The following LAMA2 variants were observed in gnomAD, a reference collection of about 807,000 sequenced individuals.
LAMA2 encodes laminin subunit alpha 2, also known as laminin subunit alpha-2.
Under a neutral mutation model 364.8 loss-of-function variants are expected in LAMA2, and 269 were observed. The observed-to-expected ratio is 0.74, with a 90% confidence interval of 0.67 to 0.82. LAMA2 has a LOEUF of 0.82. LAMA2 is among the 40% of genes least tolerant of loss of function. The pLI, the probability that LAMA2 is intolerant of heterozygous loss-of-function variation, is 0.00. For missense variants in LAMA2, 3,807 were observed against 3,873.2 expected, an observed-to-expected ratio of 0.98 and a Z score of 0.45; for synonymous variants, 1,379 against 1,370.6, an observed-to-expected ratio of 1.01 and a Z score of -0.14.
chr6:129,514,616 C>T (rs886038297), intron 64 of LAMA2, 21 bp downstream of exon 64: 24 of 1,571,084 alleles, frequency 1.5e-5, no homozygotes, highest in Non-Finnish European at 2.0e-5. Context: ...GCTACCCCAG[C>T]AACAATTTCT....
At chr6:129,331,335 A>G (rs1775639462) in intron 29 of LAMA2, among the ~76,000 whole-genome samples, 1 of 151,812 alleles carries the variant, frequency 6.6e-6, no homozygotes, top group African/African-American at 2.4e-5. Flanking sequence ...TTCCTAGGTG[A>G]TTATTTCATA....
chr6:129,371,082 T>A (rs1217471319), intron 34 of LAMA2, among the ~76,000 whole-genome samples: 4 of 152,378 alleles, frequency 2.6e-5, no homozygotes, highest in African/African-American at 9.6e-5. Flanking sequence ...TAATTTAATA[T>A]GAAATAATTC....
At chr6:129,048,403 C>G (rs541369214) in intron 1 of LAMA2, among the ~76,000 whole-genome samples, 71 of 152,142 alleles carry the variant, frequency 4.7e-4, no homozygotes, top group Admixed American at 2.2e-3. Context: ...AGTAAAATAT[C>G]AAGCCATGAG....
At chr6:128,942,189 T>C (rs1780202705) in intron 1 of LAMA2, among the ~76,000 whole-genome samples, 1 of 152,168 alleles carries the variant, frequency 6.6e-6, no homozygotes, top group African/African-American at 2.4e-5. Flanking sequence ...ATAACTTTCG[T>C]GTTTTTTCCA....
chr6:129,053,537 A>AAGGC (rs372689042), intron 2 of LAMA2, among the ~76,000 whole-genome samples: 6 of 79,932 alleles, frequency 7.5e-5, no homozygotes, highest in Admixed American at 5.1e-4. Context: ...AAATGGAGTC[A>AAGGC]AGGCAATAAA....
chr6:129,066,046 T>C (rs1448371674), intron 3 of LAMA2, among the ~76,000 whole-genome samples: 11 of 82,788 alleles, frequency 1.3e-4, no homozygotes, highest in African/African-American at 4.2e-4. Flanking sequence ...AGGTTTTTTT[T>C]TTTTTTTTTT....
At chr6:129,131,744 T>A (rs992863445) in intron 4 of LAMA2, among the ~76,000 whole-genome samples, 1 of 152,210 alleles carries the variant, frequency 6.6e-6, no homozygotes, top group African/African-American at 2.4e-5. Context: ...TACTGTTTAC[T>A]TGTATCAAAA....
chr6:129,384,212 TG>T (rs1401190408), intron 35 of LAMA2, among the ~76,000 whole-genome samples: 2 of 152,176 alleles, frequency 1.3e-5, no homozygotes, highest in Admixed American at 1.3e-4. Context: ...GTTAATTCAT[TG>T]TGGTTTATCC....
chr6:129,465,835 A>C (rs1006198051), intron 51 of LAMA2, among the ~76,000 whole-genome samples: 1 of 151,980 alleles, frequency 6.6e-6, no homozygotes, highest in African/African-American at 2.4e-5. Flanking sequence ...GTGTTAGAGA[A>C]AGTAAAATAT....
At position 129,393,161 on chromosome 6, in the gene LAMA2, A is replaced by C. The variant is rs1281727359; in HGVS notation, c.5351A>C (p.Asp1784Ala). Residue 1784 changes from aspartate to alanine, a missense_variant, in exon 37 of 65, where the codon GAT (aspartate) becomes GCT (alanine). Around this residue, in one of 3 missense-constraint regions of LAMA2, gnomAD observed 3,333 missense variants for 3,345.7 expected, o/e 1.00. Coordinates refer to ENST00000421865, the MANE Select transcript of LAMA2 (RefSeq NM_000426.4). ...CTGGCTGACTACAAAAACAAAGTTGATGATGCTTGGGACCTTTTGAGAGAA... is the reference window on the plus strand; with the variant it reads ...CTGGCTGACTACAAAAACAAAGTTGCTGATGCTTGGGACCTTTTGAGAGAA... ...EKLADYKNKV[D>A]DAWDLLREAT... 6.2e-7 allele frequency: 1 copy of C among 1,613,968 alleles called. No individual in the cohort carries two copies. Among genetic ancestry groups the C allele is most frequent in the Non-Finnish European group, 8.5e-7 (1 of 1,179,952 alleles).
chr6:129,267,232 T>TCA lies in LAMA2; in HGVS notation c.2322+13_2322+14insCA. 6.6e-7 allele frequency: 1 copy of TCA among 1,526,688 alleles called. No individual in the cohort carries two copies. The highest frequency in any genetic ancestry group is 9.1e-7 in the Non-Finnish European group (1 of 1,100,262). The allele number at this position is 1,526,688 out of a possible 1,614,324, so 94.6% of individuals were successfully genotyped here. The stretch of plus-strand genomic sequence containing the variant: ...TGGAGAATGCCTGGTAAGTGCTCTC[T>TCA]TCTTTGGGGATGCTGATTGACAAGG... On this transcript the variant is annotated intron_variant, in intron 16 of 64. Coordinates refer to ENST00000421865, the MANE Select transcript of LAMA2 (RefSeq NM_000426.4).
rs1210774065 is a variant in LAMA2 at position 129,416,100 on chromosome 6, C to T, written c.5866-11652C>T. On this transcript the variant is annotated intron_variant, in intron 40 of 64. Transcript: ENST00000421865. Reference sequence around the variant, plus strand: ...AGTAGCTGGGACTACAGGCGCCCGCCACTACGCCCGGCTAATTTTTTTGTA... The same window carrying T: ...AGTAGCTGGGACTACAGGCGCCCGCTACTACGCCCGGCTAATTTTTTTGTA... Among the ~76,000 whole-genome samples the T allele has an allele frequency of 3.1e-5, 3 of 97,004 alleles. 1 individual carries two copies. Among genetic ancestry groups the T allele is most frequent in the Non-Finnish European group, 6.1e-5 (3 of 49,430 alleles). 63.6% of individuals were successfully genotyped at this position (97,004 alleles called of 152,430 possible). A position where few individuals can be genotyped will look rare whatever the true frequency, so the allele number is the denominator to read the frequency against.
At chr6:129,507,405 A>G in intron 61 of LAMA2, 84 bp from the exon 62 acceptor site, 1 of 1,400,298 alleles carries the variant, frequency 7.1e-7, no homozygotes, top group South Asian at 1.2e-5. Flanking sequence ...ACACACATAG[A>G]GCACCCTGCA....
At chr6:129,359,643 C>T (rs1005760545) in intron 32 of LAMA2, among the ~76,000 whole-genome samples, 1 of 129,504 alleles carries the variant, frequency 7.7e-6, no homozygotes, top group Non-Finnish European at 1.7e-5. Flanking sequence ...AACATACACA[C>T]ATTAACACAT....
intron 45 of LAMA2, among the ~76,000 whole-genome samples, chr6:129,452,219 T>G (rs577505444): frequency 6.6e-6 from 1 of 152,326 alleles, no homozygotes; most frequent in Non-Finnish European, 1.5e-5. Flanking sequence ...GTGTTATTTA[T>G]GATTGAAGGA....
At chr6:128,996,946 G>A (rs771325728) in intron 1 of LAMA2, among the ~76,000 whole-genome samples, 33 of 152,258 alleles carry the variant, frequency 2.2e-4, no homozygotes, top group African/African-American at 3.4e-4. Flanking sequence ...CTAGGCAGCC[G>A]TGAAAAAGGA....
intron 37 of LAMA2, among the ~76,000 whole-genome samples, chr6:129,395,590 C>A (rs754575215): frequency 6.6e-6 from 1 of 152,268 alleles, no homozygotes; most frequent in East Asian, 1.9e-4. Context: ...TTGAGAACCA[C>A]GGGTATAAAC....
In LAMA2 at chr6:129,098,182, A is replaced by G; in HGVS notation, c.406A>G (p.Ile136Val). The G allele has an allele frequency of 6.2e-7, 1 of 1,614,096 alleles. No homozygotes were observed. Among genetic ancestry groups the G allele is most frequent in the African/African-American group, 1.3e-5 (1 of 75,022 alleles). Residue 136 changes from isoleucine (I) to valine (V), a missense_variant, in exon 4 of 65, where the codon ATC (isoleucine) becomes GTC (valine). Ile to Val is a conservative substitution (Grantham distance 29). Transcript: ENST00000421865. Reference protein sequence around the residue: ...ITLDLQQVFQIAYVIVKAANS... With the variant: ...ITLDLQQVFQVAYVIVKAANS... The stretch of plus-strand genomic sequence containing the variant: ...TGTTATACTTCCCTAGGTGTTCCAG[A>G]TCGCGTATGTGATTGTGAAGGCAGC...
At chr6:129,071,428 T>C (rs1773305289) in intron 3 of LAMA2, among the ~76,000 whole-genome samples, 1 of 152,072 alleles carries the variant, frequency 6.6e-6, no homozygotes, top group Non-Finnish European at 1.5e-5. Context: ...ATATGTCTTG[T>C]TTTTTACTTC....
Sources: gnomAD v4.1 joint callset for allele counts (sites outside exome capture counted in the v4.1 genomes callset) on GRCh38, gnomAD v4.1.1 for gene constraint, gnomAD v4.1.1 regional missense constraint, MANE v1.5 for transcripts, NCBI Gene and HGNC (gene_info 2026-07-23, HGNC 2026-07-21) for gene names.